AUTS2: variants seen among roughly 807,000 people sequenced by gnomAD.
The protein encoded by AUTS2 is activator of transcription and developmental regulator AUTS2.
A neutral mutation model predicts 112.4 loss-of-function variants in AUTS2; 17 were observed. The ratio of observed to expected loss-of-function variants is 0.15; its 90% CI spans 0.10 to 0.23. AUTS2 has a LOEUF of 0.23. AUTS2 is among the 10% of genes least tolerant of loss of function. AUTS2 has a pLI of 1.00. For missense variants in AUTS2, 1,510 were observed against 1,701.6 expected (o/e 0.89, Z 1.98); for synonymous variants, 751 against 702.7 (o/e 1.07, Z -1.09).
intron 1 of AUTS2, among the ~76,000 whole-genome samples, chr7:69,657,299 C>T (rs1343948002): frequency 2.0e-5 from 3 of 152,178 alleles, no homozygotes; most frequent in African/African-American, 2.4e-5. Flanking sequence ...TTAGGCAGAA[C>T]CAGCGAGGTG....
intron 4 of AUTS2, among the ~76,000 whole-genome samples, chr7:70,434,958 C>A (rs1291730909): frequency 6.6e-6 from 1 of 151,742 alleles, no homozygotes; most frequent in African/African-American, 2.4e-5. Context: ...TTCTTTTTTC[C>A]CTTGCTTATC....
At chr7:70,061,780 TC>T (rs1315454731) in intron 2 of AUTS2, among the ~76,000 whole-genome samples, 1 of 151,582 alleles carries the variant, frequency 6.6e-6, no homozygotes, top group Non-Finnish European at 1.5e-5. Context: ...GGTTATTTCT[TC>T]TTTTTTTTTT....
chr7:70,266,770 A>G (rs565265177), intron 4 of AUTS2, among the ~76,000 whole-genome samples: 1 of 152,312 alleles, frequency 6.6e-6, no homozygotes, highest in East Asian at 1.9e-4. Flanking sequence ...AATCAGTGCC[A>G]TTTTCTGAAT....
intron 6 of AUTS2, among the ~76,000 whole-genome samples, chr7:70,708,987 G>A (rs906780317): frequency 2.0e-5 from 3 of 148,350 alleles, no homozygotes; most frequent in Non-Finnish European, 3.0e-5. Context: ...GCACCATCTC[G>A]GCTCACTGCA....
chr7:69,827,620 C>T (rs1212549629), intron 1 of AUTS2, among the ~76,000 whole-genome samples: 3 of 152,112 alleles, frequency 2.0e-5, no homozygotes, highest in African/African-American at 7.2e-5. Context: ...TGGAGAAAAG[C>T]ACTCCTTCCA....
chr7:69,798,399 C>T (rs752665510), intron 1 of AUTS2, among the ~76,000 whole-genome samples: 8 of 152,162 alleles, frequency 5.3e-5, no homozygotes, highest in Non-Finnish European at 1.0e-4. Context: ...ACCCCCTCTT[C>T]AGGGTATTAT....
chr7:69,968,277 A>C (rs915820756), intron 2 of AUTS2, among the ~76,000 whole-genome samples: 1 of 152,132 alleles, frequency 6.6e-6, no homozygotes, highest in African/African-American at 2.4e-5. Context: ...AAGAATCCCC[A>C]TAAGGTTGTC....
In AUTS2 at chr7:70,216,424, G is replaced by A. The variant is rs870200; in HGVS notation, c.660+81853G>A. Reference sequence around the variant, plus strand: ...TAATTTAGCATTCATTTTCAACTTAGCAGATGCTCCTGGTGTCCCACCCAT... The same window carrying A: ...TAATTTAGCATTCATTTTCAACTTAACAGATGCTCCTGGTGTCCCACCCAT... On this transcript the variant is annotated intron_variant, in intron 4 of 18. Transcript: ENST00000342771. 3.0e-3 allele frequency among the ~76,000 whole-genome samples: 457 copies of A among 152,058 alleles called. 18 individuals are homozygous for A. The East Asian group carries it at 0.075, about 25-fold the overall frequency.
intron 1 of AUTS2, among the ~76,000 whole-genome samples, chr7:69,672,988 T>C (rs1796405003): frequency 6.6e-6 from 1 of 152,224 alleles, no homozygotes; most frequent in African/African-American, 2.4e-5. Flanking sequence ...GTGGCTGTTA[T>C]TTCAATTCAT....
At chr7:70,646,033 A>G (rs1251271957) in intron 5 of AUTS2, among the ~76,000 whole-genome samples, 3 of 152,178 alleles carry the variant, frequency 2.0e-5, no homozygotes, top group African/African-American at 7.2e-5. Context: ...ATGAACTTGC[A>G]GAAGGAAATG....
chr7:70,332,542 A>T (rs1284760700), intron 4 of AUTS2, among the ~76,000 whole-genome samples: 1 of 152,228 alleles, frequency 6.6e-6, no homozygotes, highest in African/African-American at 2.4e-5. Context: ...TGGAGGCGTC[A>T]TGCTACCTGA....
chr7:70,362,499 A>T (rs201423200), intron 4 of AUTS2, among the ~76,000 whole-genome samples: 4 of 152,288 alleles, frequency 2.6e-5, no homozygotes, highest in East Asian at 3.9e-4. Flanking sequence ...AAAGTGAAAC[A>T]TTCCTTGCAG....
At chr7:69,907,703 T>C (rs976190538) in intron 2 of AUTS2, among the ~76,000 whole-genome samples, 2 of 152,248 alleles carry the variant, frequency 1.3e-5, no homozygotes, top group Admixed American at 6.5e-5. Flanking sequence ...AACTGTATCA[T>C]ATTCAAGTTC....
At chr7:70,744,014 G>C (rs1296148842) in intron 6 of AUTS2, among the ~76,000 whole-genome samples, 1 of 150,606 alleles carries the variant, frequency 6.6e-6, no homozygotes, top group Non-Finnish European at 1.5e-5. Context: ...TTGTAAGAGA[G>C]GCTATCCAAC....
chr7:70,626,673 C>T (rs1193464624), intron 5 of AUTS2, among the ~76,000 whole-genome samples: 4 of 152,124 alleles, frequency 2.6e-5, no homozygotes, highest in African/African-American at 7.2e-5. Context: ...CCTTCCCTCT[C>T]GCCTCTCATA....
chr7:70,236,331 C>T (rs1812324664), intron 4 of AUTS2, among the ~76,000 whole-genome samples: 1 of 152,024 alleles, frequency 6.6e-6, no homozygotes, highest in Non-Finnish European at 1.5e-5. Context: ...TGAGATAGTA[C>T]AGTATTTGTG....
At chr7:70,149,064 A>T (rs973856747) in intron 4 of AUTS2, among the ~76,000 whole-genome samples, 17 of 152,078 alleles carry the variant, frequency 1.1e-4, no homozygotes, top group African/African-American at 4.1e-4. Flanking sequence ...TTACTTCAAG[A>T]CTATTCATAG....
In AUTS2 at chr7:70,694,070, G is replaced by A. The variant is rs989283189; in HGVS notation, c.691-4499G>A. ...GCTCCGAGAGCTGCGAGCGTCTGGA[G>A]GAGGCGCGCTCGGCGCAGTCGGGGA... On this transcript the variant is annotated intron_variant, in intron 5 of 18. Coordinates refer to ENST00000342771, the MANE Select transcript of AUTS2 (RefSeq NM_015570.4). The surrounding 1 kb of genome is among the most constrained non-coding windows in gnomAD (Gnocchi z 4.1). The A allele has an allele frequency of 5.3e-5, 8 of 151,594 alleles. No individual in the cohort carries two copies. The highest frequency in any genetic ancestry group is 1.7e-4 in the African/African-American group (7 of 41,398). The allele number at this position is 151,594 out of a possible 1,614,324, so 9.4% of individuals were successfully genotyped here.
intron 5 of AUTS2, among the ~76,000 whole-genome samples, chr7:70,494,310 T>A (rs1172725232): frequency 6.6e-6 from 1 of 152,156 alleles, no homozygotes; most frequent in Non-Finnish European, 1.5e-5. Context: ...ACTACATTTA[T>A]TTTACAGATA....
Sources: allele counts gnomAD v4.1 joint callset (sites outside exome capture counted in the v4.1 genomes callset), GRCh38; gene constraint gnomAD v4.1.1; non-coding constraint Gnocchi (gnomAD v3.1); transcripts MANE v1.5; gene names NCBI Gene and HGNC (gene_info 2026-07-23, HGNC 2026-07-21).